FLYWCH2: variants seen among roughly 807,000 people sequenced by gnomAD.
The protein encoded by FLYWCH2 is FLYWCH family member 2.
A neutral mutation model predicts 6.0 loss-of-function variants in FLYWCH2; 2 were observed. The observed-to-expected ratio is 0.33, with a 90% confidence interval of 0.14 to 1.04. The LOEUF (loss-of-function observed/expected upper bound fraction) is 1.04, where lower values mean the gene tolerates loss of function less well. FLYWCH2 is among the 50% of genes least tolerant of loss of function. The pLI, the probability that FLYWCH2 is intolerant of heterozygous loss-of-function variation, is 0.45. For synonymous variants in FLYWCH2, 87 were observed against 79.3 expected (o/e 1.10, Z -0.52); for missense variants, 192 against 183.4 (o/e 1.05, Z -0.27).
Position 2,896,378 on chromosome 16 carries a change from T to C in FLYWCH2, c.-72T>C, listed in dbSNP as rs2069819383. ...ACGGAACCGCTGGACTCCAGGTTCC[T>C]TGCCTGGGAGTAGGAGAAATCCACC... On this transcript the variant is annotated 5_prime_UTR_variant, in exon 3 of 4. Transcript: ENST00000396958. The C allele has an allele frequency of 2.7e-6, 4 of 1,506,520 alleles. No homozygotes were observed. The Admixed American group carries it at 9.3e-5, about 35-fold the overall frequency. The allele number at this position is 1,506,520 out of a possible 1,614,324, so 93.3% of individuals were successfully genotyped here. A position where few individuals can be genotyped will look rare whatever the true frequency, so the allele number is the denominator to read the frequency against.
At chr16:2,889,031 A>G (rs2069727441) in intron 1 of FLYWCH2, among the ~76,000 whole-genome samples, 1 of 152,094 alleles carries the variant, frequency 6.6e-6, no homozygotes, top group African/African-American at 2.4e-5. Context: ...TCAGAAAAGT[A>G]TCACTTGTGT....
At chr16:2,895,556 A>G (rs2069809609) in intron 2 of FLYWCH2, among the ~76,000 whole-genome samples, 1 of 152,238 alleles carries the variant, frequency 6.6e-6, no homozygotes, top group Non-Finnish European at 1.5e-5. Context: ...CGGAGCTTGC[A>G]GTGAGCCAAG....
At chr16:2,894,794 C>T (rs995544807) in intron 1 of FLYWCH2, among the ~76,000 whole-genome samples, 5 of 152,206 alleles carry the variant, frequency 3.3e-5, no homozygotes, top group African/African-American at 9.6e-5. Context: ...AGGCCCCCAA[C>T]CCTGTACTCC....
At chr16:2,892,482 C>G (rs937165525) in intron 1 of FLYWCH2, among the ~76,000 whole-genome samples, 2 of 140,782 alleles carry the variant, frequency 1.4e-5, no homozygotes, top group East Asian at 3.9e-4. Flanking sequence ...GGAGACAGAG[C>G]GAGACTCCAT....
intron 1 of FLYWCH2, among the ~76,000 whole-genome samples, chr16:2,885,830 C>A (rs1347070436): frequency 6.6e-6 from 1 of 152,136 alleles, no homozygotes; most frequent in Non-Finnish European, 1.5e-5. Flanking sequence ...GTTTTCCTTT[C>A]TTCCAGGCAT....
Position 2,891,459 on chromosome 16 carries a change from C to T in FLYWCH2, c.-199-3761C>T, listed in dbSNP as rs925397336. 3.8e-4 allele frequency among the ~76,000 whole-genome samples: 57 copies of T among 152,000 alleles called. 1 individual carries two copies. In the Middle Eastern group the frequency reaches 0.014, roughly 36 times the overall value. On this transcript the variant is annotated intron_variant, in intron 1 of 3. Transcript: ENST00000396958. ...TCGCCCTATCGCCCAGGCTGGAGTG[C>T]GGTGGCGCGATATCGGCTCACTGCA...
chr16:2,885,509 G>C (rs1173203978), intron 1 of FLYWCH2, among the ~76,000 whole-genome samples: 4 of 152,038 alleles, frequency 2.6e-5, no homozygotes, highest in Non-Finnish European at 4.4e-5. Flanking sequence ...TCTACGTTCT[G>C]TCTCCATAGA....
In FLYWCH2 at chr16:2,886,307, C is replaced by T. The variant is rs189684751; in HGVS notation, c.-200+2941C>T. Among the ~76,000 whole-genome samples the T allele has an allele frequency of 3.1e-3, 472 of 152,074 alleles. 4 individuals carry two copies. The highest frequency in any genetic ancestry group is 0.011 in the African/African-American group (445 of 41,482). On this transcript the variant is annotated intron_variant, in intron 1 of 3. Transcript: ENST00000396958. ...CCGGGTTCAAGCAATTCTCATGCTG[C>T]GCAGCCTCCTGAGTAGCTGGGATTA...
intron 1 of FLYWCH2, 131 bp from the exon 2 acceptor site, chr16:2,895,089 T>C (rs2301763): frequency 0.54 from 81,769 of 151,908 alleles, 22,540 homozygotes; most frequent in African/African-American, 0.6. Flanking sequence ...ACCACCCAGT[T>C]GACCCCCAAA....
chr16:2,892,909 T>TATATAATGTATATATTATATGTCATATA (rs148253772), intron 1 of FLYWCH2, among the ~76,000 whole-genome samples: 2 of 6,608 alleles, frequency 3.0e-4, no homozygotes, highest in African/African-American at 7.9e-4. Flanking sequence ...TGTCATATAA[T>TATATAATGTATATATTATATGTCATATA]ATATATTATA....
intron 1 of FLYWCH2, among the ~76,000 whole-genome samples, chr16:2,883,827 G>T (rs1018319090): frequency 1.3e-5 from 2 of 152,230 alleles, no homozygotes; most frequent in African/African-American, 4.8e-5. Context: ...CCATTTGGGC[G>T]CAGCCCAGCC....
intron 1 of FLYWCH2, among the ~76,000 whole-genome samples, chr16:2,884,328 C>G (rs2069672370): frequency 6.6e-6 from 1 of 151,946 alleles, no homozygotes; most frequent in African/African-American, 2.4e-5. Flanking sequence ...TGTGGGTCCA[C>G]CATGAGGCAC....
At chr16:2,886,255 A>G (rs1181943612) in intron 1 of FLYWCH2, among the ~76,000 whole-genome samples, 1 of 151,804 alleles carries the variant, frequency 6.6e-6, no homozygotes, top group African/African-American at 2.4e-5. Context: ...CAGTGGCGCC[A>G]CCTCGGCTCA....
At chr16:2,890,796 A>G (rs1252475249) in intron 1 of FLYWCH2, among the ~76,000 whole-genome samples, 1 of 151,932 alleles carries the variant, frequency 6.6e-6, no homozygotes, top group African/African-American at 2.4e-5. Flanking sequence ...TGACCTCTTG[A>G]CCTAAAGTAA....
At chr16:2,889,209 CT>C (rs1329641985) in intron 1 of FLYWCH2, among the ~76,000 whole-genome samples, 3,311 of 126,306 alleles carry the variant, frequency 0.026, 58 homozygotes, top group African/African-American at 0.086. Context: ...CTAACCTTTA[CT>C]TTTTTTTTTT....
chr16:2,883,800 G>C (rs1488631738), intron 1 of FLYWCH2, among the ~76,000 whole-genome samples: 5 of 152,248 alleles, frequency 3.3e-5, no homozygotes, highest in Non-Finnish European at 5.9e-5. Context: ...AGAGAGGAGA[G>C]AGCCGGGGAG....
intron 1 of FLYWCH2, among the ~76,000 whole-genome samples, chr16:2,889,372 G>T (rs1381298232): frequency 2.6e-5 from 4 of 151,490 alleles, no homozygotes; most frequent in Admixed American, 1.3e-4. Flanking sequence ...CACCATGCCC[G>T]GCTAATTTTT....
At chr16:2,890,581 A>ATTT (rs1312928578) in intron 1 of FLYWCH2, among the ~76,000 whole-genome samples, 1 of 123,178 alleles carries the variant, frequency 8.1e-6, no homozygotes, top group African/African-American at 2.7e-5. Context: ...CGCCCGGCCA[A>ATTT]TTTTTTTTTT....
Position 2,898,719 on chromosome 16 carries a change from C to T in FLYWCH2, c.323-330C>T, listed in dbSNP as rs139667664. The T allele has an allele frequency of 2.1e-4, 52 of 247,200 alleles. 1 individual carries two copies. The East Asian group carries it at 4.6e-3, about 22-fold the overall frequency. 15.3% of individuals were successfully genotyped at this position (247,200 alleles called of 1,614,324 possible). On this transcript the variant is annotated intron_variant, in intron 3 of 3. Coordinates refer to ENST00000396958, the MANE Select transcript of FLYWCH2 (RefSeq NM_138439.3). ...GCCAGGGGTCCCGCAGGCAATCACCCTCAGGCATCGACCACCCCCATCTGC... is the reference window on the plus strand; with the variant it reads ...GCCAGGGGTCCCGCAGGCAATCACCTTCAGGCATCGACCACCCCCATCTGC...
Sources: gnomAD v4.1 joint callset for allele counts (sites outside exome capture counted in the v4.1 genomes callset) on GRCh38, gnomAD v4.1.1 for gene constraint, MANE v1.5 for transcripts, NCBI Gene and HGNC (gene_info 2026-07-23, HGNC 2026-07-21) for gene names.